Variants in ZBTB49 observed in about 807,000 individuals in gnomAD.
ZBTB49 encodes zinc finger and BTB domain-containing protein 49.
A neutral mutation model predicts 57.5 loss-of-function variants in ZBTB49; 43 were observed. The observed-to-expected ratio is 0.75, with a 90% CI of 0.59 to 0.97. The LOEUF is 0.97. ZBTB49 is among the 50% of genes least tolerant of loss of function. ZBTB49 has a pLI of 0.00. For synonymous variants in ZBTB49, 369 were observed against 362.1 expected (o/e 1.02, Z -0.22); for missense variants, 938 against 947.7 (o/e 0.99, Z 0.13).
At chr4:4,308,701 G>A (rs768658321) in intron 4 of ZBTB49, among the ~76,000 whole-genome samples, 2 of 152,214 alleles carry the variant, frequency 1.3e-5, no homozygotes, top group South Asian at 2.1e-4. Context: ...GCTGTGTGCC[G>A]GGAAGGGGGA....
At chr4:4,310,964 T>G (rs1720961739) in intron 4 of ZBTB49, among the ~76,000 whole-genome samples, 1 of 152,218 alleles carries the variant, frequency 6.6e-6, no homozygotes, top group Non-Finnish European at 1.5e-5. Context: ...GGGCCTGAGT[T>G]TGCTGTGTAA....
intron 7 of ZBTB49, among the ~76,000 whole-genome samples, chr4:4,320,070 A>G (rs1721344041): frequency 6.6e-6 from 1 of 151,964 alleles, no homozygotes; most frequent in African/African-American, 2.4e-5. Flanking sequence ...CGAGACAAAC[A>G]CCCGAATACA....
rs1720826983 is a variant in ZBTB49, at chr4:4,308,289, G to T, written c.1302+2105G>T. Among the ~76,000 whole-genome samples the T allele has an allele frequency of 2.0e-5, 3 of 152,182 alleles. No individual in the cohort carries two copies. In the South Asian group the frequency reaches 6.2e-4, roughly 32 times the overall value. ...AGATGGGGTTTCACCATGTTGGCCA[G>T]GATGGTCTCAAACTCCAGACCTCAT... is the stretch of plus-strand genomic sequence containing the variant. On this transcript the variant is annotated intron_variant, in intron 4 of 7. Transcript: ENST00000337872.
chr4:4,315,375 C>T (rs981572741), intron 5 of ZBTB49, among the ~76,000 whole-genome samples: 1 of 152,152 alleles, frequency 6.6e-6, no homozygotes, highest in Admixed American at 6.5e-5. Context: ...ATCTTGTGCT[C>T]TGTAAAACTG....
rs779212978 is a variant in ZBTB49 at position 4,321,306 on chromosome 4, T to C, written c.2288T>C (p.Leu763Ser). ...AAGACGCTGCAGAATGAAAACGAGT[T>C]AGACCAGTGATGTACCGCGCTTCTC... is the stretch of plus-strand genomic sequence containing the variant. ...AMKTLQNENE[L>S]DQ The change falls in exon 8 of 8, where the codon TTA becomes TCA. Residue 763 changes from leucine to serine, a missense_variant. Leu to Ser is a moderately radical substitution (Grantham distance 145). Transcript: ENST00000337872. The C allele has an allele frequency of 6.2e-7, 1 of 1,610,692 alleles. No individual in the cohort carries two copies. The highest frequency in any genetic ancestry group is 8.5e-7 in the Non-Finnish European group (1 of 1,180,002).
Position 4,301,964 on chromosome 4 carries a change from A to T in ZBTB49, c.153-25A>T, listed in dbSNP as rs188623383. 1.3e-4 allele frequency: 190 copies of T among 1,485,138 alleles called. No homozygotes were observed. In the African/African-American group the frequency reaches 2.6e-3, roughly 20 times the overall value. 92.0% of individuals were successfully genotyped at this position (1,485,138 alleles called of 1,614,324 possible). On this transcript the variant is annotated intron_variant, in intron 2 of 7. Transcript: ENST00000337872. ...AGATGGTGTGAATTTTTGGCACTGT[A>T]AACAGATATTCTTTCTTTTACCAGG...
Position 4,303,037 on chromosome 4 carries a change from G to A in ZBTB49, c.1201G>A (p.Gly401Arg), listed in dbSNP as rs780410802. Residue 401 changes from glycine to arginine, a missense_variant, in exon 3 of 8, where the codon GGG becomes AGG. By Grantham distance (125) the Gly-to-Arg change is moderately radical. This residue lies in a region of ZBTB49 where 835 missense variants were observed against 819.1 expected (regional missense o/e 1.02). Coordinates refer to ENST00000337872, the MANE Select transcript of ZBTB49 (RefSeq NM_145291.4). Reference protein sequence around the residue: ...SQRQYACELCGKPFKHPSNLE... With the variant: ...SQRQYACELCRKPFKHPSNLE... ...GAGACAATACGCGTGTGAATTATGC[G>A]GGAAACCTTTTAAACACCCAAGCAA... is the stretch of plus-strand genomic sequence containing the variant. The A allele has an allele frequency of 1.3e-5, 21 of 1,612,808 alleles. No individual in the cohort carries two copies. The highest frequency in any genetic ancestry group is 4.4e-5 in the South Asian group (4 of 90,826).
intron 4 of ZBTB49, among the ~76,000 whole-genome samples, chr4:4,306,706 A>G (rs752845992): frequency 5.9e-5 from 9 of 152,242 alleles, no homozygotes; most frequent in Non-Finnish European, 1.0e-4. Context: ...CCCATGGGCC[A>G]GGTGCTGTGC....
intron 2 of ZBTB49, among the ~76,000 whole-genome samples, chr4:4,301,556 A>G (rs545442511): frequency 6.6e-6 from 1 of 152,332 alleles, no homozygotes; most frequent in South Asian, 2.1e-4. Flanking sequence ...AGTGAAAAGT[A>G]TATATTATTT....
At chr4:4,306,643 G>A (rs751568086) in intron 4 of ZBTB49, among the ~76,000 whole-genome samples, 17 of 152,174 alleles carry the variant, frequency 1.1e-4, no homozygotes, top group Non-Finnish European at 1.8e-4. Flanking sequence ...CCTCCATTAA[G>A]GTCATTTGGA....
At chr4:4,319,956 C>T (rs985328191) in intron 7 of ZBTB49, among the ~76,000 whole-genome samples, 3 of 151,184 alleles carry the variant, frequency 2.0e-5, no homozygotes, top group African/African-American at 7.3e-5. Context: ...CCCAGCCACT[C>T]AGGAGGCTGA....
intron 1 of ZBTB49, among the ~76,000 whole-genome samples, chr4:4,292,454 A>G (rs1719991132): frequency 6.6e-6 from 1 of 152,218 alleles, no homozygotes; most frequent in Admixed American, 6.5e-5. Context: ...AAACTGAGAC[A>G]CAGAGCCTGT....
chr4:4,301,982 T>G lies in ZBTB49; in HGVS notation c.153-7T>G, dbSNP rs1395736643. The G allele has an allele frequency of 6.6e-7, 1 of 1,508,082 alleles. No individual in the cohort carries two copies. Among genetic ancestry groups the G allele is most frequent in the Non-Finnish European group, 8.9e-7 (1 of 1,129,764 alleles). 93.4% of individuals were successfully genotyped at this position (1,508,082 alleles called of 1,614,324 possible). A position where few individuals can be genotyped will look rare whatever the true frequency, so the allele number is the denominator to read the frequency against. ...GCACTGTAAACAGATATTCTTTCTT[T>G]TACCAGGAGCCTCTTTCAGAATTCT... On this transcript the variant is annotated splice_region_variant and splice_polypyrimidine_tract_variant and intron_variant, in intron 2 of 7. Coordinates refer to ENST00000337872, the MANE Select transcript of ZBTB49 (RefSeq NM_145291.4).
intron 1 of ZBTB49, among the ~76,000 whole-genome samples, chr4:4,294,688 A>G (rs1010982699): frequency 6.6e-6 from 1 of 152,174 alleles, no homozygotes; most frequent in East Asian, 1.9e-4. Flanking sequence ...ATTGTGTAAC[A>G]GTTAATAACT....
intron 4 of ZBTB49, among the ~76,000 whole-genome samples, chr4:4,310,449 G>T (rs1720939073): frequency 6.6e-6 from 1 of 151,858 alleles, no homozygotes; most frequent in Non-Finnish European, 1.5e-5. Flanking sequence ...CAACGGTTTA[G>T]CAAAGAGCTT....
At chr4:4,306,682 G>A (rs979727546) in intron 4 of ZBTB49, among the ~76,000 whole-genome samples, 1 of 152,230 alleles carries the variant, frequency 6.6e-6, no homozygotes, top group Non-Finnish European at 1.5e-5. Context: ...TTGAGGAAAC[G>A]TTTGTTTTAC....
chr4:4,306,076 CAAA>C, intron 3 of ZBTB49, 59 bp from the exon 4 acceptor site: 1 of 1,525,132 alleles, frequency 6.6e-7, no homozygotes. Flanking sequence ...GTCATTTAAA[CAAA>C]AAATTATTGA....
Position 4,302,431 on chromosome 4 carries a change from G to T in ZBTB49, c.595G>T (p.Asp199Tyr). Residue 199 changes from aspartate to tyrosine, a missense_variant, in exon 3 of 8, where the codon GAT becomes TAT. Physicochemically the swap from Asp to Tyr is radical, Grantham distance 160. Coordinates refer to ENST00000337872, the MANE Select transcript of ZBTB49 (RefSeq NM_145291.4). ...EISKQAPDTSDGSCTELPFKQ... is the reference protein window; with the variant it reads ...EISKQAPDTSYGSCTELPFKQ... ...CTCAAAACAAGCTCCTGATACTTCA[G>T]ATGGCAGCTGCACAGAACTGCCTTT... 1.9e-6 allele frequency: 3 copies of T among 1,614,220 alleles called. No homozygotes were observed. The highest frequency in any genetic ancestry group is 1.7e-6 in the Non-Finnish European group (2 of 1,180,040).
intron 3 of ZBTB49, 61 bp downstream of exon 3, chr4:4,303,152 C>A: frequency 6.9e-7 from 1 of 1,457,746 alleles, no homozygotes; most frequent in Non-Finnish European, 9.1e-7. Flanking sequence ...TCAGACACCA[C>A]TGGCTCTTCT....
Sources: gnomAD v4.1 joint callset for allele counts (sites outside exome capture counted in the v4.1 genomes callset) on GRCh38, gnomAD v4.1.1 for gene constraint, gnomAD v4.1.1 regional missense constraint, MANE v1.5 for transcripts, NCBI Gene and HGNC (gene_info 2026-07-23, HGNC 2026-07-21) for gene names.